Variants in CLDN16 observed in about 807,000 individuals in gnomAD.
CLDN16 encodes the protein claudin-16.
CLDN16 carries 13 observed loss-of-function variants against 24.6 expected under a neutral mutation model. The ratio of observed to expected loss-of-function variants is 0.53; its 90% CI spans 0.34 to 0.84. CLDN16 has a LOEUF of 0.84. Among genes scored for constraint, CLDN16 ranks in the 40% least tolerant of loss-of-function variants. CLDN16 has a pLI of 0.01. For synonymous variants in CLDN16, 116 were observed against 106.7 expected (o/e 1.09, Z -0.54); for missense variants, 298 against 292.7 (o/e 1.02, Z -0.13).
At chr3:190,298,917 T>C in the CLDN16 span, among the ~76,000 whole-genome samples, 1 of 152,212 alleles carries the variant, frequency 6.6e-6, no homozygotes, top group Non-Finnish European at 1.5e-5. Flanking sequence ...TAATTGTCAT[T>C]CTTATACATG....
At chr3:190,325,545 A>G (rs1717042655) in intron 1 of CLDN16, among the ~76,000 whole-genome samples, 1 of 152,208 alleles carries the variant, frequency 6.6e-6, no homozygotes, top group African/African-American at 2.4e-5. Flanking sequence ...GGTTTATTCC[A>G]TGTGCTTGTG....
chr3:190,398,663 A>T (rs955967506), intron 1 of CLDN16, among the ~76,000 whole-genome samples: 9 of 152,214 alleles, frequency 5.9e-5, no homozygotes, highest in African/African-American at 1.9e-4. Context: ...AGCCTAACAC[A>T]GCCACTACTC....
In CLDN16 at chr3:190,410,026, C is replaced by A. The variant is rs121908542; in HGVS notation, c.698C>A (p.Thr233Lys). 10 of 1,614,040 alleles carry A rather than the reference C, an allele frequency of 6.2e-6. No individual in the cohort carries two copies. Among genetic ancestry groups the A allele is most frequent in the Non-Finnish European group, 8.5e-6 (10 of 1,180,002 alleles). Residue 233 changes from threonine (T) to lysine (K), a missense_variant, in exon 5 of 5, where the codon ACA becomes AAA. By Grantham distance (78) the Thr-to-Lys change is moderately conservative. Transcript: ENST00000264734. ...TETAKMYAVD[T>K]RV The stretch of plus-strand genomic sequence containing the variant: ...ACGGCCAAAATGTATGCTGTAGACA[C>A]AAGGGTGTAAAATGCACGTTTCAGG...
At position 190,360,103 on chromosome 3, in the gene CLDN16, A is replaced by G. The variant is rs563259148; in HGVS notation, n.122-10790A>G. ...GAAAAAGAAACTGACTTTGTTATTT[A>G]GAGCAAAGTAGGCAAGAAACAAAGA... On this transcript the variant is annotated intron_variant and non_coding_transcript_variant, in intron 1 of 4. Transcript: ENST00000468220. 1.1e-4 allele frequency among the ~76,000 whole-genome samples: 16 copies of G among 152,156 alleles called. 1 individual carries two copies. In the South Asian group the frequency reaches 2.9e-3, roughly 28 times the overall value.
chr3:190,315,629 T>C, the CLDN16 span, among the ~76,000 whole-genome samples: 44,697 of 152,046 alleles, frequency 0.29, 6,959 homozygotes, highest in East Asian at 0.6. Flanking sequence ...ATTTTATTTT[T>C]TCATAAATAC....
At chr3:190,365,727 G>C (rs936945501) in intron 1 of CLDN16, among the ~76,000 whole-genome samples, 1 of 151,374 alleles carries the variant, frequency 6.6e-6, no homozygotes, top group Non-Finnish European at 1.5e-5. Flanking sequence ...TTAGGGTCCA[G>C]TATATACACA....
intron 1 of CLDN16, among the ~76,000 whole-genome samples, chr3:190,361,998 C>T (rs932133292): frequency 6.7e-6 from 1 of 148,808 alleles, no homozygotes; most frequent in South Asian, 2.1e-4. Context: ...AAATGGCACA[C>T]CTGGTCTAAC....
the CLDN16 span, among the ~76,000 whole-genome samples, chr3:190,296,206 G>A: frequency 6.6e-6 from 1 of 152,154 alleles, no homozygotes; most frequent in African/African-American, 2.4e-5. Context: ...TAAAATAGCT[G>A]CTTTTATAAA....
chr3:190,322,056 A>G (rs1463009161), upstream of CLDN16: 2 of 1,614,108 alleles, frequency 1.2e-6, no homozygotes, highest in Non-Finnish European at 1.7e-6. Context: ...CAGGACATCC[A>G]CAGCCCCTCG....
intron 1 of CLDN16, among the ~76,000 whole-genome samples, chr3:190,334,889 GC>G (rs1319838318): frequency 6.6e-6 from 1 of 152,162 alleles, no homozygotes; most frequent in South Asian, 2.1e-4. Flanking sequence ...GAACAGCCTT[GC>G]CCCCTTGCAT....
upstream of CLDN16, chr3:190,387,881 A>C (rs1718544429): frequency 1.8e-6 from 1 of 565,758 alleles, no homozygotes; most frequent in South Asian, 2.0e-5. Context: ...CCTTCTTCCG[A>C]GTGGGGAGGA....
chr3:190,352,141 G>GT (rs552144315), intron 1 of CLDN16, among the ~76,000 whole-genome samples: 4,842 of 144,788 alleles, frequency 0.033, 80 homozygotes, highest in Non-Finnish European at 0.038. Flanking sequence ...AATTGAAAAA[G>GT]TTTTTTTTTT....
chr3:190,334,139 G>C (rs1421323957), intron 1 of CLDN16, among the ~76,000 whole-genome samples: 2 of 152,102 alleles, frequency 1.3e-5, no homozygotes, highest in Non-Finnish European at 2.9e-5. Flanking sequence ...CTGTGCTCAA[G>C]TAATTAAAAA....
intron 1 of CLDN16, among the ~76,000 whole-genome samples, chr3:190,353,729 T>C (rs977508939): frequency 3.9e-5 from 6 of 152,106 alleles, no homozygotes; most frequent in Admixed American, 3.9e-4. Context: ...TCATTTTTAT[T>C]GATAAGTTGC....
chr3:190,355,465 GA>G (rs1345363752), intron 1 of CLDN16, among the ~76,000 whole-genome samples: 1 of 151,494 alleles, frequency 6.6e-6, no homozygotes, highest in African/African-American at 2.4e-5. Flanking sequence ...TTTCTTTTTG[GA>G]AAACTTTCTA....
At chr3:190,365,121 C>T (rs763056299) in intron 1 of CLDN16, among the ~76,000 whole-genome samples, 3 of 151,868 alleles carry the variant, frequency 2.0e-5, no homozygotes, top group Non-Finnish European at 4.4e-5. Flanking sequence ...AAGAACACTA[C>T]GGTCTATTAA....
At position 190,379,975 on chromosome 3, in the gene CLDN16, G is replaced by GTCTATCATCTATCTATCTATCTA. The variant is rs144203820; in HGVS notation, n.306+5378_306+5379insATCTATCTATCTATCTATCTATC. ...TGATCTATCTATGTCTATCAACTCT[G>GTCTATCATCTATCTATCTATCTA]TCTATCTATCTATCTATCTATCTAT... On this transcript the variant is annotated intron_variant and non_coding_transcript_variant, in intron 3 of 4. Transcript: ENST00000468220. Among the ~76,000 whole-genome samples the GTCTATCATCTATCTATCTATCTA allele has an allele frequency of 2.2e-3, 325 of 149,100 alleles. 2 individuals carry two copies. The highest frequency in any genetic ancestry group is 7.7e-3 in the African/African-American group (310 of 40,488).
rs1371063500 is a variant in CLDN16 at position 190,404,805 on chromosome 3, T to G, written c.261T>G (p.Ile87Met). 2 of 1,614,144 alleles carry G rather than the reference T, an allele frequency of 1.2e-6. No homozygotes were observed. Among genetic ancestry groups the G allele is most frequent in the Non-Finnish European group, 1.7e-6 (2 of 1,180,012 alleles). ...GAGCGTTGATGATTACTGCAGATATTCTAGCTGGGTTTGGATTTCTCACCC... is the reference window on the plus strand; with the variant it reads ...GAGCGTTGATGATTACTGCAGATATGCTAGCTGGGTTTGGATTTCTCACCC... ...VTRALMITAD[I>M]LAGFGFLTLL... Residue 87 changes from isoleucine (I) to methionine (M), a missense_variant, in exon 3 of 5, where the codon ATT becomes ATG. Transcript: ENST00000264734.
In CLDN16 at chr3:190,411,595, C is replaced by A. The variant is rs886058253; in HGVS notation, c.*1559C>A. On this transcript the variant is annotated 3_prime_UTR_variant, in exon 5 of 5. Transcript: ENST00000264734. ...AATTAAGTTGTGAATTTCTAAAGACCTTGAAATAAGTGTTTCAAATTTAAA... is the reference window on the plus strand; with the variant it reads ...AATTAAGTTGTGAATTTCTAAAGACATTGAAATAAGTGTTTCAAATTTAAA... 1 of 151,934 alleles carries A rather than the reference C, an allele frequency of 6.6e-6. No individual in the cohort carries two copies. Among genetic ancestry groups the A allele is most frequent in the Non-Finnish European group, 1.5e-5 (1 of 67,964 alleles). 9.4% of individuals were successfully genotyped at this position (151,934 alleles called of 1,614,324 possible).
Sources: gnomAD v4.1 joint callset for allele counts (sites outside exome capture counted in the v4.1 genomes callset) on GRCh38, gnomAD v4.1.1 for gene constraint, MANE v1.5 for transcripts, NCBI Gene and HGNC (gene_info 2026-07-23, HGNC 2026-07-21) for gene names.